TPP1: variants seen among roughly 807,000 people sequenced by gnomAD.
The protein encoded by TPP1 is tripeptidyl-peptidase 1.
In TPP1, 43 loss-of-function variants were observed where a neutral mutation model predicts 67.6. The observed-to-expected ratio is 0.64, with a 90% confidence interval of 0.50 to 0.82. The LOEUF is 0.82. TPP1 is among the 40% of genes least tolerant of loss of function. TPP1 has a pLI of 0.00. For missense variants in TPP1, 671 were observed against 710.9 expected (o/e 0.94, Z 0.64); for synonymous variants, 272 against 281.5 (o/e 0.97, Z 0.34).
chr11:6,618,520 AAATTAG>A (rs1855619070), intron 3 of TPP1: 1 of 603,764 alleles, frequency 1.7e-6, no homozygotes, highest in Admixed American at 3.0e-5. Flanking sequence ...ACAAAAGAGG[AAATTAG>A]AATGGATTTG....
At chr11:6,616,217 G>C in intron 8 of TPP1, 98 bp downstream of exon 8, 1 of 1,592,612 alleles carries the variant, frequency 6.3e-7, no homozygotes, top group Non-Finnish European at 8.6e-7. Context: ...TCTGAGTTCA[G>C]ATTATGAGTC....
chr11:6,617,889 G>T (rs1855610966), intron 3 of TPP1, 113 bp from the exon 4 acceptor site: 1 of 1,462,086 alleles, frequency 6.8e-7, no homozygotes, highest in South Asian at 1.1e-5. Flanking sequence ...CAGGGTAAAG[G>T]AGGGCTATGT....
chr11:6,617,879 CAGGGT>C, intron 3 of TPP1, 103 bp from the exon 4 acceptor site: 1 of 1,539,012 alleles, frequency 6.5e-7, no homozygotes, highest in Non-Finnish European at 9.0e-7. Context: ...AAGCCTGGAA[CAGGGT>C]AAAGGAGGGC....
Position 6,616,965 on chromosome 11 carries a change from C to G in TPP1, c.687+10G>C, listed in dbSNP as rs1478039152. 1 of 1,614,126 alleles carries G rather than the reference C, an allele frequency of 6.2e-7. No homozygotes were observed. The highest frequency in any genetic ancestry group is 1.1e-5 in the South Asian group (1 of 91,090). On this transcript the variant is annotated intron_variant, in intron 6 of 12. Coordinates refer to ENST00000299427, the MANE Select transcript of TPP1 (RefSeq NM_000391.4). ...GCTATGAGGACCCTGGGGCTCTTTG[C>G]TTGGCTCACCTGGGCACAGGCTTGG...
chr11:6,617,731 G>T lies in TPP1; in HGVS notation c.275C>A (p.Ser92Tyr), dbSNP rs771957036. Residue 92 changes from serine (S) to tyrosine (Y), a missense_variant, in exon 4 of 13, where the codon TCC (serine) becomes TAC (tyrosine). Coordinates refer to ENST00000299427, the MANE Select transcript of TPP1 (RefSeq NM_000391.4). ...TTGCACCGTGTGGAGGGTCAGTGGG[G>T]ATGGCCTCACCAGATCAGCCACATT... is the stretch of plus-strand genomic sequence containing the variant. ...LENVADLVRP[S>Y]PLTLHTVQKW... 6 of 1,614,096 alleles carry T rather than the reference G, an allele frequency of 3.7e-6. No individual in the cohort carries two copies. Among genetic ancestry groups the T allele is most frequent in the African/African-American group, 1.3e-5 (1 of 74,940 alleles).
In TPP1 at chr11:6,616,957, G is replaced by T; in HGVS notation, c.687+18C>A. 1 of 1,614,110 alleles carries T rather than the reference G, an allele frequency of 6.2e-7. No homozygotes were observed. Among genetic ancestry groups the T allele is most frequent in the Non-Finnish European group, 8.5e-7 (1 of 1,179,990 alleles). ...GTGGGGAGGCTATGAGGACCCTGGG[G>T]CTCTTTGCTTGGCTCACCTGGGCAC... is the stretch of plus-strand genomic sequence containing the variant. On this transcript the variant is annotated intron_variant, in intron 6 of 12. Transcript: ENST00000299427.
rs886041487 is a variant in TPP1, at chr11:6,616,450, CAT to C, written c.938_939del (p.Asn313ArgfsTer15). The C allele has an allele frequency of 6.2e-7, 1 of 1,612,558 alleles. No individual in the cohort carries two copies. The highest frequency in any genetic ancestry group is 1.1e-5 in the South Asian group (1 of 91,046). ...GTATGCACATGTGGCAGGGCTGACT[CAT>C]TACTGAGCAGCATGAGCCACTGCAG... ...PFLQWLMLLS[N>X]ESALPHVHTV... On this transcript the variant is annotated frameshift_variant, in exon 8 of 13. Coordinates refer to ENST00000299427, the MANE Select transcript of TPP1 (RefSeq NM_000391.4). LOFTEE classifies it high-confidence loss of function.
chr11:6,616,297 T>G lies in TPP1; in HGVS notation c.1075+18A>C, dbSNP rs1855583330. ...TGCAGAGGTGTAAGCATTGTCTAAGTTTAGGGTAGGAGGTCACCTGAGGCG... is the reference window on the plus strand; with the variant it reads ...TGCAGAGGTGTAAGCATTGTCTAAGGTTAGGGTAGGAGGTCACCTGAGGCG... On this transcript the variant is annotated intron_variant, in intron 8 of 12. Transcript: ENST00000299427. 6.2e-7 allele frequency: 1 copy of G among 1,612,514 alleles called. No homozygotes were observed. Among genetic ancestry groups the G allele is most frequent in the Non-Finnish European group, 8.5e-7 (1 of 1,179,812 alleles).
intron 2 of TPP1, 81 bp from the exon 3 acceptor site, chr11:6,618,996 A>G: frequency 6.3e-7 from 1 of 1,592,828 alleles, no homozygotes; most frequent in Non-Finnish European, 8.6e-7. Context: ...CCAGATTAGG[A>G]GCTGAGACCT....
At chr11:6,616,909 G>T in intron 6 of TPP1, 50 bp from the exon 7 acceptor site, 1 of 1,614,050 alleles carries the variant, frequency 6.2e-7, no homozygotes, top group East Asian at 2.2e-5. Flanking sequence ...TGAGTCCCAG[G>T]GTGGTAAGGA....
intron 3 of TPP1, chr11:6,618,508 G>A: frequency 3.3e-6 from 2 of 600,388 alleles, no homozygotes; most frequent in Non-Finnish European, 5.9e-6. Flanking sequence ...CTTAGTATGT[G>A]AACAAAAGAG....
Position 6,619,396 on chromosome 11 carries a change from C to A in TPP1, c.5G>T (p.Gly2Val). M[G>V]LQACLLGLFA... The stretch of plus-strand genomic sequence containing the variant: ...CTCAATTTCTCACCAGGCTTGGAGT[C>A]CCATTCTGCCCTTCCGCGGATCTGC... The change falls in exon 1 of 13, where the codon GGA becomes GTA. Residue 2 changes from glycine (G) to valine (V), a missense_variant. Coordinates refer to ENST00000299427, the MANE Select transcript of TPP1 (RefSeq NM_000391.4). 1 of 1,614,214 alleles carries A rather than the reference C, an allele frequency of 6.2e-7. No individual in the cohort carries two copies. The highest frequency in any genetic ancestry group is 8.5e-7 in the Non-Finnish European group (1 of 1,180,028).
At chr11:6,615,014 A>G in intron 11 of TPP1, 23 bp from the exon 12 acceptor site, 1 of 1,614,142 alleles carries the variant, frequency 6.2e-7, no homozygotes, top group Non-Finnish European at 8.5e-7. Context: ...AGGTGCAAGT[A>G]GAGGTCAGGG....
At position 6,613,631 on chromosome 11, in the gene TPP1, A is replaced by G. The variant is rs572550190; in HGVS notation, c.*915T>C. On this transcript the variant is annotated 3_prime_UTR_variant, in exon 13 of 13. Transcript: ENST00000299427. ...TAAGTTCTAGATATACTTGGGAAAT[A>G]TAATTGGAAGGACTTGTGGACTGAT... 3.3e-5 allele frequency: 5 copies of G among 152,774 alleles called. No individual in the cohort carries two copies. Among genetic ancestry groups the G allele is most frequent in the African/African-American group, 1.2e-4 (5 of 41,574 alleles). 9.5% of individuals were successfully genotyped at this position (152,774 alleles called of 1,614,324 possible).
At chr11:6,614,809 C>G in intron 12 of TPP1, 57 bp downstream of exon 12, 1 of 1,613,938 alleles carries the variant, frequency 6.2e-7, no homozygotes, top group Non-Finnish European at 8.5e-7. Context: ...CCCAAGTCCC[C>G]CTTAGCACTC....
Position 6,615,194 on chromosome 11 carries a change from TG to T in TPP1, c.1401del (p.Ile468PhefsTer20). On this transcript the variant is annotated frameshift_variant, in exon 11 of 13. Coordinates refer to ENST00000299427, the MANE Select transcript of TPP1 (RefSeq NM_000391.4). LOFTEE classifies it high-confidence loss of function. ...DGYWVVSNRV[P>X]IPWVSGTSAS... is the part of the protein sequence containing the mutation. Reference sequence around the variant, plus strand: ...ACCGAGGTTCCGGACACCCATGGAATGGGCACTCTGTTGCTGACCACCCAGT... The same window carrying T: ...ACCGAGGTTCCGGACACCCATGGAATGGCACTCTGTTGCTGACCACCCAGT... The T allele has an allele frequency of 6.2e-7, 1 of 1,614,150 alleles. No homozygotes were observed. Among genetic ancestry groups the T allele is most frequent in the Non-Finnish European group, 8.5e-7 (1 of 1,180,026 alleles).
At position 6,614,437 on chromosome 11, in the gene TPP1, G is replaced by A. The variant is rs926190774; in HGVS notation, c.*109C>T. 4.7e-6 allele frequency: 7 copies of A among 1,474,834 alleles called. No homozygotes were observed. The highest frequency in any genetic ancestry group is 1.8e-4 in the Middle Eastern group (1 of 5,412). The allele number at this position is 1,474,834 out of a possible 1,614,324, so 91.4% of individuals were successfully genotyped here. ...TCAGGGTTAGGGAGATAAGCTGTCTGCAGCAGTCAATAGTTGAGGGTTCAG... is the reference window on the plus strand; with the variant it reads ...TCAGGGTTAGGGAGATAAGCTGTCTACAGCAGTCAATAGTTGAGGGTTCAG... On this transcript the variant is annotated 3_prime_UTR_variant, in exon 13 of 13. Coordinates refer to ENST00000299427, the MANE Select transcript of TPP1 (RefSeq NM_000391.4).
At chr11:6,614,828 T>G in intron 12 of TPP1, 38 bp downstream of exon 12, 2 of 1,613,960 alleles carry the variant, frequency 1.2e-6, no homozygotes, top group Non-Finnish European at 1.7e-6. Context: ...TCCCCATAGT[T>G]GTTTGAAAAC....
rs1855583882 is a variant in TPP1, at chr11:6,616,338, C to A, written c.1052G>T (p.Gly351Val). The A allele has an allele frequency of 6.2e-7, 1 of 1,613,382 alleles. No individual in the cohort carries two copies. Among genetic ancestry groups the A allele is most frequent in the South Asian group, 1.1e-5 (1 of 91,052 alleles). ...NTELMKAAAR[G>V]LTLLFASGDS... ...ACCTGAGGCGAAGAGCAGGGTGAGA[C>A]CCCGAGCGGCAGCCTTCATGAGCTC... The change falls in exon 8 of 13, where the codon GGT (glycine) becomes GTT (valine). Residue 351 changes from glycine (G) to valine (V), a missense_variant. Physicochemically the swap from Gly to Val is moderately radical, Grantham distance 109. Coordinates refer to ENST00000299427, the MANE Select transcript of TPP1 (RefSeq NM_000391.4).
Sources: allele counts gnomAD v4.1 joint callset, GRCh38; gene constraint gnomAD v4.1.1; transcripts MANE v1.5; gene names NCBI Gene and HGNC (gene_info 2026-07-23, HGNC 2026-07-21).